Variants in SFMBT2 observed in about 807,000 individuals in gnomAD.
The protein encoded by SFMBT2 is Scm like with four mbt domains 2.
SFMBT2 carries 38 observed loss-of-function variants against 110.1 expected under a neutral mutation model. The observed-to-expected ratio is 0.35, with a 90% CI of 0.27 to 0.45. SFMBT2 has a LOEUF of 0.45. Among genes scored for constraint, SFMBT2 ranks in the 20% least tolerant of loss-of-function variants. The pLI, the probability that SFMBT2 is intolerant of heterozygous loss-of-function variation, is 1.00. For missense variants in SFMBT2, 1,011 were observed against 1,094.9 expected (o/e 0.92, Z 1.08); for synonymous variants, 425 against 425.4 (o/e 1.00, Z 0.01).
chr10:7,363,572 G>A (rs1415412062), intron 4 of SFMBT2, among the ~76,000 whole-genome samples: 4 of 152,030 alleles, frequency 2.6e-5, no homozygotes, highest in Non-Finnish European at 5.9e-5. Context: ...TGTCTCGAAC[G>A]CCTGACCTCG....
chr10:7,383,057 C>T (rs1845471612), intron 1 of SFMBT2, among the ~76,000 whole-genome samples: 1 of 152,132 alleles, frequency 6.6e-6, no homozygotes, highest in South Asian at 2.1e-4. Flanking sequence ...CTATGTCACA[C>T]ATAGAGAGAA....
At chr10:7,261,314 G>T (rs1841193171) in intron 7 of SFMBT2, among the ~76,000 whole-genome samples, 1 of 152,206 alleles carries the variant, frequency 6.6e-6, no homozygotes, top group African/African-American at 2.4e-5. Context: ...AGGTCTGAAA[G>T]GTTAATGCAT....
intron 1 of SFMBT2, among the ~76,000 whole-genome samples, chr10:7,388,315 C>A (rs1340068204): frequency 6.8e-6 from 1 of 147,288 alleles, no homozygotes. Context: ...AAAGATCAGG[C>A]AAACAAAGAA....
At position 7,163,862 on chromosome 10, in the gene SFMBT2, C is replaced by G; in HGVS notation, c.2593G>C (p.Glu865Gln). Residue 865 changes from glutamate to glutamine, a missense_variant, in exon 21 of 21, where the codon GAG becomes CAG. By Grantham distance (29) the Glu-to-Gln change is conservative. Around this residue, in one of 2 missense-constraint regions of SFMBT2, gnomAD observed 32 missense variants for 78.8 expected, o/e 0.41. Transcript: ENST00000397167. This position sits in a 1 kb window ranked among gnomAD's most constrained non-coding sequence, Gnocchi z 4.8. ...LLLLTLPTVQ[E>Q]CMELKLGPAI... ...GGCCCCAGCTTCAGCTCCATGCACT[C>G]CTGCACCGTCGGAAGGGTCAGAAGC... The G allele has an allele frequency of 6.2e-7, 1 of 1,614,182 alleles. No individual in the cohort carries two copies. Among genetic ancestry groups the G allele is most frequent in the Non-Finnish European group, 8.5e-7 (1 of 1,180,042 alleles).
intron 16 of SFMBT2, among the ~76,000 whole-genome samples, chr10:7,184,546 T>A (rs1291707243): frequency 1.3e-5 from 2 of 151,982 alleles, no homozygotes; most frequent in Admixed American, 1.3e-4. Context: ...GAAAATGGAC[T>A]AATACGGTAG....
intron 4 of SFMBT2, among the ~76,000 whole-genome samples, chr10:7,340,017 G>A (rs780413988): frequency 6.6e-6 from 1 of 152,202 alleles, no homozygotes; most frequent in Admixed American, 6.5e-5. Context: ...ACACAGGTCT[G>A]ACGGGGCATG....
chr10:7,311,208 A>G (rs765864089), intron 4 of SFMBT2, among the ~76,000 whole-genome samples: 1 of 152,148 alleles, frequency 6.6e-6, no homozygotes, highest in Middle Eastern at 3.2e-3. Flanking sequence ...TACACAGAAC[A>G]AATCTCTTCT....
In SFMBT2 at chr10:7,256,036, CAT is replaced by C. The variant is rs555516100; in HGVS notation, c.871-7389_871-7388del. Reference sequence around the variant, plus strand: ...ATATCAAGTGGACAGAAACAGCTAACATGTTGTAAATACTGGCAGGCATGCTC... The same window carrying C: ...ATATCAAGTGGACAGAAACAGCTAACGTTGTAAATACTGGCAGGCATGCTC... On this transcript the variant is annotated intron_variant, in intron 7 of 20. Coordinates refer to ENST00000397167, the MANE Select transcript of SFMBT2 (RefSeq NM_001387889.1). Among the ~76,000 whole-genome samples, 346 of 152,322 alleles carry C rather than the reference CAT, an allele frequency of 2.3e-3. 4 individuals are homozygous for C. Among genetic ancestry groups the C allele is most frequent in the African/African-American group, 8.1e-3 (337 of 41,570 alleles).
chr10:7,342,559 C>T (rs917020048), intron 4 of SFMBT2, among the ~76,000 whole-genome samples: 32 of 152,106 alleles, frequency 2.1e-4, no homozygotes, highest in African/African-American at 7.5e-4. Context: ...CAGGCACCCG[C>T]CACCGCGCCC....
chr10:7,313,965 G>C (rs568063064), intron 4 of SFMBT2, among the ~76,000 whole-genome samples: 5 of 152,298 alleles, frequency 3.3e-5, no homozygotes, highest in East Asian at 1.9e-4. Flanking sequence ...GAGTTTGAAG[G>C]GGGGAGAGGA....
intron 1 of SFMBT2, among the ~76,000 whole-genome samples, chr10:7,385,398 T>C (rs1845564268): frequency 1.3e-5 from 2 of 151,980 alleles, no homozygotes. Flanking sequence ...CTCCCTCCAG[T>C]GATCACTCAG....
At chr10:7,395,076 T>A (rs1346388964) in intron 1 of SFMBT2, among the ~76,000 whole-genome samples, 1 of 152,160 alleles carries the variant, frequency 6.6e-6, no homozygotes, top group Non-Finnish European at 1.5e-5. Flanking sequence ...CCCAGCACTC[T>A]GGGAAGCCAA....
chr10:7,242,258 T>C (rs1840454882), intron 9 of SFMBT2, among the ~76,000 whole-genome samples: 1 of 152,278 alleles, frequency 6.6e-6, no homozygotes. Flanking sequence ...GTGTCTCCAC[T>C]GGACAGTCTT....
In SFMBT2 at chr10:7,232,233, A is replaced by G. The variant is rs555205979; in HGVS notation, c.1121-4296T>C. Among the ~76,000 whole-genome samples the G allele has an allele frequency of 2.6e-5, 4 of 152,336 alleles. No homozygotes were observed. The East Asian group carries it at 7.7e-4, about 29-fold the overall frequency. On this transcript the variant is annotated intron_variant, in intron 9 of 20. Transcript: ENST00000397167. ...CCCTCGGATACAAACTAATTGACATAAAACAGCTCTATTTGCACACATCAT... is the reference window on the plus strand; with the variant it reads ...CCCTCGGATACAAACTAATTGACATGAAACAGCTCTATTTGCACACATCAT...
intron 4 of SFMBT2, chr10:7,348,316 G>T (rs1195215684): frequency 1.3e-6 from 2 of 1,529,922 alleles, no homozygotes; most frequent in African/African-American, 1.4e-5. Flanking sequence ...GAAGCTGATG[G>T]CTTGACATCA....
At position 7,172,182 on chromosome 10, in the gene SFMBT2, A is replaced by G. The variant is rs1347670670; in HGVS notation, c.2152-24T>C. ...TCCTGGGAAGGAGGAAAAGGCATTT[A>G]AGGGGCTGGTGGCCCGGGGGCCTGT... On this transcript the variant is annotated intron_variant, in intron 18 of 20. Transcript: ENST00000397167. This position sits in a 1 kb window ranked among gnomAD's most constrained non-coding sequence, Gnocchi z 4.6. 6.5e-7 allele frequency: 1 copy of G among 1,528,308 alleles called. No homozygotes were observed. The allele number at this position is 1,528,308 out of a possible 1,614,324, so 94.7% of individuals were successfully genotyped here.
chr10:7,350,012 C>A (rs180771761), intron 4 of SFMBT2, among the ~76,000 whole-genome samples: 2 of 152,222 alleles, frequency 1.3e-5, no homozygotes, highest in Admixed American at 6.5e-5. Context: ...CCACTCAGAC[C>A]CACACACCAG....
chr10:7,325,770 GGCT>G (rs1361871684), intron 4 of SFMBT2, among the ~76,000 whole-genome samples: 1 of 152,152 alleles, frequency 6.6e-6, no homozygotes, highest in African/African-American at 2.4e-5. Context: ...GGATGGAAGT[GGCT>G]GCTATCGGGT....
rs1837920122 is a variant in SFMBT2 at position 7,172,587 on chromosome 10, T to C, written c.2059A>G (p.Lys687Glu). Reference sequence around the variant, plus strand: ...CGTCGCTTCCTCCGCCTGGCGGGTTTGGGGTGTCCGCTGTCGGGGTTGCTT... The same window carrying C: ...CGTCGCTTCCTCCGCCTGGCGGGTTCGGGGTGTCCGCTGTCGGGGTTGCTT... ...GESNPDSGHP[K>E]PARRRKRRKS... The change falls in exon 18 of 21, where the codon AAA (lysine) becomes GAA (glutamate). Residue 687 changes from lysine (K) to glutamate (E), a missense_variant. Lys to Glu is a moderately conservative substitution (Grantham distance 56, BLOSUM62 1). Coordinates refer to ENST00000397167, the MANE Select transcript of SFMBT2 (RefSeq NM_001387889.1). The surrounding 1 kb of genome is among the most constrained non-coding windows in gnomAD (Gnocchi z 4.6). The C allele has an allele frequency of 5.6e-6, 9 of 1,614,206 alleles. No homozygotes were observed. Among genetic ancestry groups the C allele is most frequent in the Non-Finnish European group, 7.6e-6 (9 of 1,180,034 alleles).
Sources: gnomAD v4.1 joint callset for allele counts (sites outside exome capture counted in the v4.1 genomes callset) on GRCh38, gnomAD v4.1.1 for gene constraint, gnomAD v4.1.1 regional missense constraint, Gnocchi (gnomAD v3.1) non-coding constraint, MANE v1.5 for transcripts, NCBI Gene and HGNC (gene_info 2026-07-23, HGNC 2026-07-21) for gene names.